The following RAB25 variants were observed in gnomAD, a reference collection of about 807,000 sequenced individuals.
RAB25 encodes ras-related protein Rab-25.
Under a neutral mutation model 25.2 loss-of-function variants are expected in RAB25, and 23 were observed. The observed-to-expected ratio is 0.91, with a 90% CI of 0.66 to 1.29. The LOEUF (loss-of-function observed/expected upper bound fraction) is 1.29. RAB25 is among the 50% of genes most tolerant of loss of function. The pLI is 0.00. For missense variants in RAB25, 244 were observed against 277.3 expected (o/e 0.88, Z 0.85); for synonymous variants, 102 against 111.5 (o/e 0.91, Z 0.54).
At chr1:156,068,486 G>A in intron 3 of RAB25, 23 bp downstream of exon 3, 1 of 1,605,112 alleles carries the variant, frequency 6.2e-7, no homozygotes. Flanking sequence ...CACTACCCAG[G>A]CTGACTCCTC....
At chr1:156,068,590 C>T (rs542819204) in intron 3 of RAB25, 127 bp downstream of exon 3, 8 of 791,920 alleles carry the variant, frequency 1.0e-5, no homozygotes. Context: ...TCCTCTACCC[C>T]ATCCCCTCTT....
chr1:156,067,319 G>A (rs1489566942), intron 2 of RAB25, among the ~76,000 whole-genome samples: 3 of 152,196 alleles, frequency 2.0e-5, no homozygotes, highest in Admixed American at 6.5e-5. Flanking sequence ...GTGTATATGG[G>A]GTGGATAGCA....
intron 1 of RAB25, among the ~76,000 whole-genome samples, chr1:156,062,586 T>C (rs940348358): frequency 6.6e-6 from 1 of 152,118 alleles, no homozygotes; most frequent in Non-Finnish European, 1.5e-5. Context: ...TTAGCAATAG[T>C]CTGGGGCAAT....
intron 2 of RAB25, 34 bp from the exon 3 acceptor site, chr1:156,068,236 C>G (rs1204079889): frequency 2.6e-6 from 4 of 1,557,102 alleles, no homozygotes; most frequent in Non-Finnish European, 3.5e-6. Context: ...TGCCTCTGAT[C>G]GTATCTCTGT....
Position 156,061,356 on chromosome 1 carries a change from C to A in RAB25, c.-45C>A. 2 of 1,593,770 alleles carry A rather than the reference C, an allele frequency of 1.3e-6. No homozygotes were observed. Among genetic ancestry groups the A allele is most frequent in the South Asian group, 2.2e-5 (2 of 90,592 alleles). ...GCATTGAGCCAACACACAGATTTGT[C>A]GCCTCTGTCCCCGAAGACACCTGCA... On this transcript the variant is annotated 5_prime_UTR_variant, in exon 1 of 5. Coordinates refer to ENST00000361084, the MANE Select transcript of RAB25 (RefSeq NM_020387.4).
chr1:156,065,944 C>T lies in RAB25; in HGVS notation c.77C>T (p.Thr26Ile). The change falls in exon 2 of 5, where the codon ACC becomes ATC. Residue 26 changes from threonine to isoleucine, a missense_variant. Transcript: ENST00000361084. ...VLIGESGVGK[T>I]NLLSRFTRNE... ...ATCGGCGAATCAGGTGTGGGGAAGACCAATCTACTCTCCCGATTCACGCGC... is the reference window on the plus strand; with the variant it reads ...ATCGGCGAATCAGGTGTGGGGAAGATCAATCTACTCTCCCGATTCACGCGC... The T allele has an allele frequency of 3.1e-6, 5 of 1,611,918 alleles. No homozygotes were observed. Among genetic ancestry groups the T allele is most frequent in the Non-Finnish European group, 4.2e-6 (5 of 1,178,540 alleles).
chr1:156,065,413 A>T (rs1223830538), intron 1 of RAB25, among the ~76,000 whole-genome samples: 1 of 152,032 alleles, frequency 6.6e-6, no homozygotes, highest in Non-Finnish European at 1.5e-5. Flanking sequence ...CTTTCTCCTT[A>T]CCCACACTTT....
In RAB25 at chr1:156,061,326, T is replaced by C. The variant is rs1647573111; in HGVS notation, c.-75T>C. 1 of 1,442,880 alleles carries C rather than the reference T, an allele frequency of 6.9e-7. No homozygotes were observed. The highest frequency in any genetic ancestry group is 1.4e-5 in the African/African-American group (1 of 71,284). 89.4% of individuals were successfully genotyped at this position (1,442,880 alleles called of 1,614,324 possible). A position where few individuals can be genotyped will look rare whatever the true frequency, so the allele number is the denominator to read the frequency against. ...ACCAGATCTTTTGAGAGCTGAGGGT[T>C]GAGGGCATTGAGCCAACACACAGAT... On this transcript the variant is annotated 5_prime_UTR_variant, in exon 1 of 5. An upstream open reading frame in the 5' UTR loses its in-frame stop. Transcript: ENST00000361084.
intron 1 of RAB25, among the ~76,000 whole-genome samples, chr1:156,064,224 G>C (rs72708251): frequency 0.17 from 25,280 of 152,018 alleles, 2,720 homozygotes; most frequent in Middle Eastern, 0.26. Flanking sequence ...ATGCAAATAA[G>C]GAATGTTTAA....
rs902534425 is a variant in RAB25, at chr1:156,070,197, C to T, written c.552C>T (p.Ser184=). ...FAKVSKQRQN[S]IRTNAITLGS... ...AGGTGTCCAAGCAGAGACAGAACAG[C>T]ATCCGGACCAATGCCATCACTCTGG... is the stretch of plus-strand genomic sequence containing the variant. Residue 184 remains serine (S), a synonymous_variant, in exon 5 of 5, where the codon AGC becomes AGT. Coordinates refer to ENST00000361084, the MANE Select transcript of RAB25 (RefSeq NM_020387.4). 1 of 1,614,118 alleles carries T rather than the reference C, an allele frequency of 6.2e-7. No individual in the cohort carries two copies. Among genetic ancestry groups the T allele is most frequent in the Non-Finnish European group, 8.5e-7 (1 of 1,180,020 alleles).
At chr1:156,066,440 G>A (rs1647747216) in intron 2 of RAB25, among the ~76,000 whole-genome samples, 2 of 152,158 alleles carry the variant, frequency 1.3e-5, no homozygotes, top group Non-Finnish European at 2.9e-5. Context: ...GTTAATTTCT[G>A]TATAAATACA....
At position 156,068,282 on chromosome 1, in the gene RAB25, T is replaced by G. The variant is rs371188413; in HGVS notation, c.252T>G (p.Gly84=). ...YRAITSAYYR[G]AVGALLVFDL... is the part of the protein sequence containing the mutation. ...CATTCCCACCCAGGTACTATCGTGG[T>G]GCAGTGGGGGCCCTCCTGGTGTTTG... The change falls in exon 3 of 5, where the codon GGT becomes GGG. Residue 84 remains glycine, a synonymous_variant. Coordinates refer to ENST00000361084, the MANE Select transcript of RAB25 (RefSeq NM_020387.4). The G allele has an allele frequency of 4.3e-6, 7 of 1,612,552 alleles. No individual in the cohort carries two copies. Among genetic ancestry groups the G allele is most frequent in the Non-Finnish European group, 5.9e-6 (7 of 1,178,744 alleles).
intron 1 of RAB25, among the ~76,000 whole-genome samples, chr1:156,061,920 G>C (rs1323804073): frequency 2.0e-5 from 3 of 152,184 alleles, no homozygotes; most frequent in African/African-American, 7.2e-5. Context: ...AAGTAGCTGG[G>C]ACTACAAGCA....
chr1:156,067,725 T>C (rs1163184323), intron 2 of RAB25, among the ~76,000 whole-genome samples: 5 of 152,056 alleles, frequency 3.3e-5, no homozygotes, highest in Non-Finnish European at 5.9e-5. Flanking sequence ...CCAATAGAGA[T>C]TTTAGAGCAG....
In RAB25 at chr1:156,061,395, G is replaced by A; in HGVS notation, c.-6G>A. The A allele has an allele frequency of 2.5e-6, 4 of 1,614,044 alleles. No homozygotes were observed. In the South Asian group the frequency reaches 3.3e-5, roughly 13 times the overall value. ...AAGACACCTGCACCCTCCATGCGGA[G>A]CCAAGATGGGGAATGGAACTGAGGA... On this transcript the variant is annotated 5_prime_UTR_variant, in exon 1 of 5. Coordinates refer to ENST00000361084, the MANE Select transcript of RAB25 (RefSeq NM_020387.4).
intron 1 of RAB25, among the ~76,000 whole-genome samples, chr1:156,064,564 G>A (rs1333875367): frequency 6.6e-6 from 1 of 152,012 alleles, no homozygotes; most frequent in African/African-American, 2.4e-5. Context: ...ACAGACACAT[G>A]CTACCATGCC....
intron 1 of RAB25, among the ~76,000 whole-genome samples, chr1:156,062,294 C>T (rs957281739): frequency 1.3e-5 from 2 of 152,160 alleles, no homozygotes; most frequent in Non-Finnish European, 2.9e-5. Context: ...GTCTGCCTGG[C>T]CCTTGGCTGA....
At position 156,068,399 on chromosome 1, in the gene RAB25, G is replaced by A. The variant is rs1467168974; in HGVS notation, c.369G>A (p.Val123=). 1.9e-6 allele frequency: 3 copies of A among 1,614,066 alleles called. No homozygotes were observed. The highest frequency in any genetic ancestry group is 2.5e-6 in the Non-Finnish European group (3 of 1,180,006). Residue 123 remains valine, a synonymous_variant, in exon 3 of 5, where the codon GTG becomes GTA. Transcript: ENST00000361084. ...AAGCCACGATCGTCGTCATGCTCGT[G>A]GGTAACAAAAGTGACCTCAGCCAGG... The part of the protein sequence containing the change: ...HAEATIVVML[V]GNKSDLSQAR...
intron 2 of RAB25, 27 bp from the exon 3 acceptor site, chr1:156,068,243 C>G (rs1208389826): frequency 6.3e-7 from 1 of 1,579,098 alleles, no homozygotes. Flanking sequence ...GATCGTATCT[C>G]TGTCCATCCT....
Sources: allele counts gnomAD v4.1 joint callset (sites outside exome capture counted in the v4.1 genomes callset), GRCh38; gene constraint gnomAD v4.1.1; transcripts MANE v1.5; gene names NCBI Gene and HGNC (gene_info 2026-07-23, HGNC 2026-07-21).